CDX2: variants seen among roughly 807,000 people sequenced by gnomAD.
CDX2 encodes the protein caudal type homeobox 2, also known as homeobox protein CDX-2.
CDX2 carries 7 observed loss-of-function variants against 25.5 expected under a neutral mutation model. The observed-to-expected ratio is 0.27, with a 90% CI of 0.16 to 0.52. CDX2 has a LOEUF of 0.52. CDX2 is among the 20% of genes least tolerant of loss of function. The pLI, the probability that CDX2 is intolerant of heterozygous loss-of-function variation, is 0.97. For missense variants in CDX2, 375 were observed against 431.4 expected (o/e 0.87, Z 1.16); for synonymous variants, 222 against 198.6 (o/e 1.12, Z -0.99).
Position 27,963,142 on chromosome 13 carries a change from C to G in CDX2, c.915G>C (p.Gly305=), listed in dbSNP as rs954978040. 1 of 1,613,700 alleles carries G rather than the reference C, an allele frequency of 6.2e-7. No individual in the cohort carries two copies. ...SVPGVLGPTG[G]VLNPTVTQ ...ACTGGGTGACGGTGGGGTTTAGCAC[C>G]CCCCCAGTTGGCCCCAGAACCCCAG... Residue 305 remains glycine, a synonymous_variant, in exon 3 of 3, where the codon GGG becomes GGC. Transcript: ENST00000381020.
At position 27,963,224 on chromosome 13, in the gene CDX2, A is replaced by G; in HGVS notation, c.833T>C (p.Val278Ala). Residue 278 changes from valine (V) to alanine (A), a missense_variant, in exon 3 of 3, where the codon GTC becomes GCC. Around this residue, in one of 3 missense-constraint regions of CDX2, gnomAD observed 58 missense variants for 59.4 expected, o/e 0.98. Coordinates refer to ENST00000381020, the MANE Select transcript of CDX2 (RefSeq NM_001265.6). ...PQPQPGPLRS[V>A]PEPLSPVSSL... is the part of the protein sequence containing the mutation. ...AGACACCGGACTCAAGGGCTCTGGGACACTTCTCAGAGGACCTGGCTGAGG... is the reference window on the plus strand; with the variant it reads ...AGACACCGGACTCAAGGGCTCTGGGGCACTTCTCAGAGGACCTGGCTGAGG... The G allele has an allele frequency of 6.2e-7, 1 of 1,614,180 alleles. No homozygotes were observed. Among genetic ancestry groups the G allele is most frequent in the Non-Finnish European group, 8.5e-7 (1 of 1,180,038 alleles).
In CDX2 at chr13:27,963,163, C is replaced by A. The variant is rs775147672; in HGVS notation, c.894G>T (p.Gly298=). 2.5e-6 allele frequency: 4 copies of A among 1,614,154 alleles called. No individual in the cohort carries two copies. The South Asian group carries it at 3.3e-5, about 13-fold the overall frequency. Residue 298 remains glycine, a synonymous_variant, in exon 3 of 3, where the codon GGG becomes GGT. Coordinates refer to ENST00000381020, the MANE Select transcript of CDX2 (RefSeq NM_001265.6). The part of the protein sequence containing the change: ...LQASVPGSVP[G]VLGPTGGVLN... ...GCACCCCCCCAGTTGGCCCCAGAAC[C>A]CCAGGGACAGAGCCAGGCACTGAGG...
At chr13:27,963,391 A>C (rs1299254131) in intron 2 of CDX2, 22 bp from the exon 3 acceptor site, 1 of 1,532,910 alleles carries the variant, frequency 6.5e-7, no homozygotes, top group African/African-American at 1.4e-5. Flanking sequence ...AAGGTGGAGA[A>C]AAGCACATTG....
intron 1 of CDX2, among the ~76,000 whole-genome samples, chr13:27,966,013 T>A (rs1869300655): frequency 6.6e-6 from 1 of 152,246 alleles, no homozygotes; most frequent in South Asian, 2.1e-4. Context: ...CCCCGCAGGC[T>A]GACTTTGTTC....
rs1018000717 is a variant in CDX2 at position 27,963,145 on chromosome 13, C to A, written c.912G>T (p.Gly304=). ...GGGTGACGGTGGGGTTTAGCACCCC[C>A]CCAGTTGGCCCCAGAACCCCAGGGA... is the stretch of plus-strand genomic sequence containing the variant. The part of the protein sequence containing the change: ...GSVPGVLGPT[G]GVLNPTVTQ Residue 304 remains glycine, a synonymous_variant, in exon 3 of 3, where the codon GGG becomes GGT. Coordinates refer to ENST00000381020, the MANE Select transcript of CDX2 (RefSeq NM_001265.6). The A allele has an allele frequency of 6.2e-7, 1 of 1,614,018 alleles. No individual in the cohort carries two copies. Among genetic ancestry groups the A allele is most frequent in the Non-Finnish European group, 8.5e-7 (1 of 1,179,942 alleles).
intron 1 of CDX2, among the ~76,000 whole-genome samples, chr13:27,968,024 G>C (rs572072248): frequency 6.2e-4 from 94 of 152,330 alleles, no homozygotes; most frequent in African/African-American, 2.1e-3. Flanking sequence ...GATGGGGAAA[G>C]AGAGAGCGGA....
rs371213778 is a variant in CDX2 at position 27,964,860 on chromosome 13, C to A, written c.687+10G>T. 6.2e-7 allele frequency: 1 copy of A among 1,613,174 alleles called. No individual in the cohort carries two copies. The highest frequency in any genetic ancestry group is 8.5e-7 in the Non-Finnish European group (1 of 1,179,852). On this transcript the variant is annotated intron_variant, in intron 2 of 2. Coordinates refer to ENST00000381020, the MANE Select transcript of CDX2 (RefSeq NM_001265.6). The surrounding 1 kb of genome is among the most constrained non-coding windows in gnomAD (Gnocchi z 4.7). The stretch of plus-strand genomic sequence containing the variant: ...AGTGGCCCGCCCGGAGGGAGCTAGG[C>A]GGTCCCCACCTGCCTCTCAGAGAGC...
rs775459380 is a variant in CDX2, at chr13:27,968,660, T to G, written c.347A>C (p.His116Pro). Reference sequence around the variant, plus strand: ...GTGCGGGTGGTGATGCGGGTGGTGGTGCGGATGGTAGTCTGCGGGGCTGCT... The same window carrying G: ...GTGCGGGTGGTGATGCGGGTGGTGGGGCGGATGGTAGTCTGCGGGGCTGCT... ...GYSSPADYHP[H>P]HHPHHHPHHP... Residue 116 changes from histidine (H) to proline (P), a missense_variant, in exon 1 of 3, where the codon CAC becomes CCC. Physicochemically the swap from His to Pro is moderately conservative, Grantham distance 77. This residue lies in a region of CDX2 where 253 missense variants were observed against 247.5 expected (regional missense o/e 1.02). Coordinates refer to ENST00000381020, the MANE Select transcript of CDX2 (RefSeq NM_001265.6). 1 of 1,533,394 alleles carries G rather than the reference T, an allele frequency of 6.5e-7. No individual in the cohort carries two copies. The allele number at this position is 1,533,394 out of a possible 1,614,324, so 95.0% of individuals were successfully genotyped here. A position where few individuals can be genotyped will look rare whatever the true frequency, so the allele number is the denominator to read the frequency against.
Position 27,969,162 on chromosome 13 carries a change from C to G in CDX2, c.-156G>C. On this transcript the variant is annotated 5_prime_UTR_variant, in exon 1 of 3. Transcript: ENST00000381020. ...GCTCCGCTGGCTCCTCGCGGCTCTTCTGCCTCCGAGGCGGTCCCTCCCTCT... is the reference window on the plus strand; with the variant it reads ...GCTCCGCTGGCTCCTCGCGGCTCTTGTGCCTCCGAGGCGGTCCCTCCCTCT... 1 of 572,630 alleles carries G rather than the reference C, an allele frequency of 1.7e-6. No individual in the cohort carries two copies. The allele number at this position is 572,630 out of a possible 1,614,324, so 35.5% of individuals were successfully genotyped here. A position where few individuals can be genotyped will look rare whatever the true frequency, so the allele number is the denominator to read the frequency against.
In CDX2 at chr13:27,964,606, A is replaced by G. The variant is rs1869218192; in HGVS notation, c.687+264T>C. Among the ~76,000 whole-genome samples the G allele has an allele frequency of 6.6e-6, 1 of 150,548 alleles. No homozygotes were observed. The highest frequency in any genetic ancestry group is 2.4e-5 in the African/African-American group (1 of 41,068). The stretch of plus-strand genomic sequence containing the variant: ...GTAGTCCAAGCTACTCAGGTGACTG[A>G]GGCAGGAGGATCCCTTCAGCTCAGG... On this transcript the variant is annotated intron_variant, in intron 2 of 2. Coordinates refer to ENST00000381020, the MANE Select transcript of CDX2 (RefSeq NM_001265.6). The surrounding 1 kb of genome is among the most constrained non-coding windows in gnomAD (Gnocchi z 4.7).
At chr13:27,966,706 C>G (rs966928248) in intron 1 of CDX2, among the ~76,000 whole-genome samples, 1 of 152,190 alleles carries the variant, frequency 6.6e-6, no homozygotes, top group African/African-American at 2.4e-5. Flanking sequence ...CCCCACACCC[C>G]CTGGGAACCT....
rs1467709831 is a variant in CDX2 at position 27,964,937 on chromosome 13, T to C, written c.620A>G (p.Tyr207Cys). ...CCTCCGGATGGTGATGTAGCGACTG[T>C]AGTGAAACTCCTTCTCCAGCTCCAG... is the stretch of plus-strand genomic sequence containing the variant. ...QRLELEKEFH[Y>C]SRYITIRRKA... is the part of the protein sequence containing the mutation. Residue 207 changes from tyrosine (Y) to cysteine (C), a missense_variant, in exon 2 of 3, where the codon TAC becomes TGC. Coordinates refer to ENST00000381020, the MANE Select transcript of CDX2 (RefSeq NM_001265.6). The surrounding 1 kb of genome is among the most constrained non-coding windows in gnomAD (Gnocchi z 4.7). 3.1e-6 allele frequency: 5 copies of C among 1,614,108 alleles called. No homozygotes were observed. The highest frequency in any genetic ancestry group is 4.2e-6 in the Non-Finnish European group (5 of 1,179,976).
chr13:27,966,628 C>T (rs1331867971), intron 1 of CDX2, among the ~76,000 whole-genome samples: 3 of 152,154 alleles, frequency 2.0e-5, no homozygotes, highest in African/African-American at 7.2e-5. Flanking sequence ...GTGTCCCGGA[C>T]GTGCCGGGCA....
chr13:27,965,101 A>T (rs1741611072), intron 1 of CDX2, 86 bp from the exon 2 acceptor site: 2 of 1,413,008 alleles, frequency 1.4e-6, no homozygotes, highest in Admixed American at 4.0e-5. Context: ...ACCCAGGGAC[A>T]TTTCTCTTCC....
chr13:27,968,632 G>A lies in CDX2; in HGVS notation c.375C>T (p.His125=), dbSNP rs1040507821. ...PHHHPHHHPH[H]PAAAPSCASG... ...AAGCGCAGGAAGGCGCGGCGGCCGG[G>A]TGGTGCGGGTGGTGATGCGGGTGGT... is the stretch of plus-strand genomic sequence containing the variant. The change falls in exon 1 of 3, where the codon CAC becomes CAT. Residue 125 remains histidine, a synonymous_variant. Coordinates refer to ENST00000381020, the MANE Select transcript of CDX2 (RefSeq NM_001265.6). 43 of 1,537,106 alleles carry A rather than the reference G, an allele frequency of 2.8e-5. No individual in the cohort carries two copies. Among genetic ancestry groups the A allele is most frequent in the Non-Finnish European group, 3.3e-5 (38 of 1,147,592 alleles).
chr13:27,963,730 C>T (rs555684240), intron 2 of CDX2, among the ~76,000 whole-genome samples: 1 of 152,310 alleles, frequency 6.6e-6, no homozygotes, highest in African/African-American at 2.4e-5. Flanking sequence ...AAATGGCAAC[C>T]TTTGGCCCCT....
chr13:27,968,539 C>G lies in CDX2; in HGVS notation c.468G>C (p.Leu156=), dbSNP rs759460982. The change falls in exon 1 of 3, where the codon CTG becomes CTC. Residue 156 remains leucine (L), a synonymous_variant. Transcript: ENST00000381020. ...GPAATAAAEQ[L]SPGGQRRNLC... ...GGTTCCGCCGCTGGCCGCCGGGAGA[C>G]AGCTGCTCGGCGGCAGCGGTGGCGG... is the stretch of plus-strand genomic sequence containing the variant. 7 of 1,566,524 alleles carry G rather than the reference C, an allele frequency of 4.5e-6. No homozygotes were observed. The highest frequency in any genetic ancestry group is 6.0e-6 in the Non-Finnish European group (7 of 1,166,656).
rs372255890 is a variant in CDX2 at position 27,968,941 on chromosome 13, G to T, written c.66C>A (p.Gly22=). Residue 22 remains glycine (G), a synonymous_variant, in exon 1 of 3, where the codon GGC becomes GGA. Transcript: ENST00000381020. ...SMYPSSVRHS[G]GLNLAPQNFV... ...AGTTCTGCGGCGCCAGGTTGAGGCC[G>T]CCAGAGTGGCGCACGGAGCTAGGGT... The T allele has an allele frequency of 8.7e-6, 14 of 1,608,080 alleles. No homozygotes were observed. Among genetic ancestry groups the T allele is most frequent in the Non-Finnish European group, 1.0e-5 (12 of 1,179,158 alleles).
Position 27,964,922 on chromosome 13 carries a change from G to T in CDX2, c.635C>A (p.Thr212Asn). 1 of 1,614,140 alleles carries T rather than the reference G, an allele frequency of 6.2e-7. No individual in the cohort carries two copies. Among genetic ancestry groups the T allele is most frequent in the South Asian group, 1.1e-5 (1 of 91,086 alleles). The change falls in exon 2 of 3, where the codon ACC (threonine) becomes AAC (asparagine). Residue 212 changes from threonine (T) to asparagine (N), a missense_variant. By Grantham distance (65) the Thr-to-Asn change is moderately conservative. Around this residue, in one of 3 missense-constraint regions of CDX2, gnomAD observed 64 missense variants for 124.6 expected, o/e 0.51. Transcript: ENST00000381020. The surrounding 1 kb of genome is among the most constrained non-coding windows in gnomAD (Gnocchi z 4.7). Reference protein sequence around the residue: ...EKEFHYSRYITIRRKAELAAT... With the variant: ...EKEFHYSRYINIRRKAELAAT... ...GGCTAGCTCGGCTTTCCTCCGGATG[G>T]TGATGTAGCGACTGTAGTGAAACTC...
Sources: gnomAD v4.1 joint callset for allele counts (sites outside exome capture counted in the v4.1 genomes callset) on GRCh38, gnomAD v4.1.1 for gene constraint, gnomAD v4.1.1 regional missense constraint, Gnocchi (gnomAD v3.1) non-coding constraint, MANE v1.5 for transcripts, NCBI Gene and HGNC (gene_info 2026-07-23, HGNC 2026-07-21) for gene names.